The following EMC7 variants were observed in gnomAD, a reference collection of about 807,000 sequenced individuals.
The protein encoded by EMC7 is ER membrane protein complex subunit 7, also known as endoplasmic reticulum membrane protein complex subunit 7.
In EMC7, 4 loss-of-function variants were observed where a neutral mutation model predicts 24.4. The ratio of observed to expected loss-of-function variants is 0.16; its 90% CI spans 0.08 to 0.38. The LOEUF is 0.38. Ranked by LOEUF, EMC7 falls within the 10% of genes least tolerant of loss-of-function variation. The probability of loss-of-function intolerance (pLI) is 1.00; values close to 1 mark genes in which losing one functional copy is unlikely to be tolerated. For synonymous variants in EMC7, 106 were observed against 112.0 expected, an observed-to-expected ratio of 0.95 and a Z score of 0.34; for missense variants, 221 against 300.6, an observed-to-expected ratio of 0.74 and a Z score of 1.96.
At chr15:34,086,434 C>CT (rs11341448) in intron 4 of EMC7, 265 of 150,886 alleles carry the variant, frequency 1.8e-3, no homozygotes, top group South Asian at 6.3e-3. Context: ...AAGGAATGAA[C>CT]TTTTTTTTTT....
At position 34,090,148 on chromosome 15, in the gene EMC7, A is replaced by G. The variant is rs559274618; in HGVS notation, c.495+169T>C. ...GTGCAATTCTCATTATATTCTCTTC[A>G]TTATGTATTCCCAAAGCCACTATTC... On this transcript the variant is annotated intron_variant, in intron 3 of 4. Transcript: ENST00000256545. Among the ~76,000 whole-genome samples the G allele has an allele frequency of 2.4e-3, 371 of 152,310 alleles. 4 individuals carry two copies. The highest frequency in any genetic ancestry group is 0.02 in the Middle Eastern group (6 of 294).
At chr15:34,097,122 C>T (rs1168524060) in intron 1 of EMC7, among the ~76,000 whole-genome samples, 1 of 145,826 alleles carries the variant, frequency 6.9e-6, no homozygotes, top group African/African-American at 2.5e-5. Context: ...CAAGCTCCGC[C>T]TCCTGCGTTC....
In EMC7 at chr15:34,097,955, C is replaced by A. The variant is rs549609709; in HGVS notation, c.237-1941G>T. On this transcript the variant is annotated intron_variant, in intron 1 of 4. Coordinates refer to ENST00000256545, the MANE Select transcript of EMC7 (RefSeq NM_020154.3). ...TTGCACTCCAGCCTGGGTGACAGATCGAGACTCCGTCTCAAAAAAAAAAAA... is the reference window on the plus strand; with the variant it reads ...TTGCACTCCAGCCTGGGTGACAGATAGAGACTCCGTCTCAAAAAAAAAAAA... 1.9e-4 allele frequency among the ~76,000 whole-genome samples: 26 copies of A among 135,190 alleles called. No individual in the cohort carries two copies. In the East Asian group the frequency reaches 2.9e-3, roughly 15 times the overall value. 88.7% of individuals were successfully genotyped at this position (135,190 alleles called of 152,430 possible).
chr15:34,098,433 C>G (rs982812067), intron 1 of EMC7, among the ~76,000 whole-genome samples: 2 of 150,624 alleles, frequency 1.3e-5, no homozygotes, highest in African/African-American at 4.9e-5. Flanking sequence ...TAATGGGACC[C>G]TGACTGAACC....
chr15:34,087,946 A>C, intron 4 of EMC7, 107 bp downstream of exon 4: 1 of 917,170 alleles, frequency 1.1e-6, no homozygotes, highest in Non-Finnish European at 1.7e-6. Context: ...GCTTGAGCCC[A>C]GGAGTTTGAG....
chr15:34,092,984 C>T (rs1901002805), intron 2 of EMC7, among the ~76,000 whole-genome samples: 1 of 152,128 alleles, frequency 6.6e-6, no homozygotes, highest in Admixed American at 6.5e-5. Flanking sequence ...CCAACAGTGG[C>T]AAAATCACCT....
At chr15:34,088,256 T>C (rs977920682) in intron 3 of EMC7, 123 bp from the exon 4 acceptor site, 1 of 764,562 alleles carries the variant, frequency 1.3e-6, no homozygotes, top group Non-Finnish European at 2.1e-6. Flanking sequence ...ATAACACTAG[T>C]AGCAACCACC....
At chr15:34,100,839 A>G (rs1567504518) in intron 1 of EMC7, 2 of 152,040 alleles carry the variant, frequency 1.3e-5, no homozygotes, top group Non-Finnish European at 2.9e-5. Context: ...GTGCCTAGAC[A>G]TTTCAAAAGC....
intron 4 of EMC7, among the ~76,000 whole-genome samples, chr15:34,087,303 C>T (rs1410314154): frequency 1.3e-5 from 2 of 152,120 alleles, no homozygotes; most frequent in Admixed American, 6.5e-5. Context: ...CGGAAAAATG[C>T]ATGATGGTTT....
chr15:34,095,440 T>C (rs777274734), intron 2 of EMC7, among the ~76,000 whole-genome samples: 3 of 152,184 alleles, frequency 2.0e-5, no homozygotes, highest in East Asian at 1.9e-4. Flanking sequence ...TATATTTCCA[T>C]TGAACATAAA....
intron 2 of EMC7, among the ~76,000 whole-genome samples, chr15:34,094,179 C>T (rs756342151): frequency 4.6e-5 from 7 of 151,612 alleles, no homozygotes; most frequent in African/African-American, 7.3e-5. Flanking sequence ...CCAAAGTGGG[C>T]AGATCACTTG....
chr15:34,088,465 T>TC (rs1169525571), intron 3 of EMC7, among the ~76,000 whole-genome samples: 6 of 91,430 alleles, frequency 6.6e-5, no homozygotes, highest in Non-Finnish European at 8.2e-5. Flanking sequence ...AACTATCTAT[T>TC]CCCTTTTTTT....
At chr15:34,086,657 G>T (rs1166640903) in intron 4 of EMC7, among the ~76,000 whole-genome samples, 5 of 152,192 alleles carry the variant, frequency 3.3e-5, no homozygotes, top group Non-Finnish European at 7.3e-5. Flanking sequence ...GTGAACTCCT[G>T]ACCTCAGGTG....
intron 1 of EMC7, 136 bp downstream of exon 1, chr15:34,101,468 G>T: frequency 1.1e-6 from 1 of 900,666 alleles, no homozygotes. Flanking sequence ...AAGGTCTCCC[G>T]GCATAGACCG....
At position 34,101,794 on chromosome 15, in the gene EMC7, G is replaced by T; in HGVS notation, c.46C>A (p.Leu16Met). 6.2e-7 allele frequency: 1 copy of T among 1,612,334 alleles called. No homozygotes were observed. Residue 16 changes from leucine to methionine, a missense_variant, in exon 1 of 5, where the codon CTG (leucine) becomes ATG (methionine). Leu to Met is a conservative substitution (Grantham distance 15). Around this residue, in one of 2 missense-constraint regions of EMC7, gnomAD observed 156 missense variants for 177.1 expected, o/e 0.88. Transcript: ENST00000256545. ...GAGCTCTGGACATCCCCCGATAGCA[G>T]CAGCAGCAGCAGGACGGGAAAGAAG... ...WGFFPVLLLL[L>M]LSGDVQSSEV...
At chr15:34,085,922 C>T (rs1403666765) in intron 4 of EMC7, 3 of 155,642 alleles carry the variant, frequency 1.9e-5, no homozygotes, top group African/African-American at 7.6e-5. Context: ...TCCTTTTCCT[C>T]ACTGTGGAGC....
rs777404352 is a variant in EMC7 at position 34,101,706 on chromosome 15, A to T, written c.134T>A (p.Phe45Tyr). The change falls in exon 1 of 5, where the codon TTC (phenylalanine) becomes TAC (tyrosine). Residue 45 changes from phenylalanine (F) to tyrosine (Y), a missense_variant. By Grantham distance (22) the Phe-to-Tyr change is conservative. Transcript: ENST00000256545. ...AACAACTGCACGCCCCTCAATCTTG[A>T]AGCGATCTCCTATGCCGACCCCACT... ...GGSGVGIGDR[F>Y]KIEGRAVVPG... 4 of 1,613,060 alleles carry T rather than the reference A, an allele frequency of 2.5e-6. No homozygotes were observed. Among genetic ancestry groups the T allele is most frequent in the Middle Eastern group, 1.6e-4 (1 of 6,084 alleles).
At chr15:34,090,110 A>T (rs547403277) in intron 3 of EMC7, among the ~76,000 whole-genome samples, 1 of 152,332 alleles carries the variant, frequency 6.6e-6, no homozygotes, top group Non-Finnish European at 1.5e-5. Context: ...ACATTTCAAT[A>T]ATCAAATCTA....
At chr15:34,098,304 G>A (rs541349897) in intron 1 of EMC7, among the ~76,000 whole-genome samples, 30 of 152,256 alleles carry the variant, frequency 2.0e-4, no homozygotes, top group African/African-American at 6.5e-4. Context: ...ATAACCTTGA[G>A]GATGTAAGCT....
Sources: allele counts gnomAD v4.1 joint callset (sites outside exome capture counted in the v4.1 genomes callset), GRCh38; gene constraint gnomAD v4.1.1; regional missense constraint gnomAD v4.1.1; transcripts MANE v1.5; gene names NCBI Gene and HGNC (gene_info 2026-07-23, HGNC 2026-07-21).